Variants in ATF7IP observed in about 807,000 individuals in gnomAD.
The protein encoded by ATF7IP is activating transcription factor 7-interacting protein 1.
ATF7IP carries 23 observed loss-of-function variants against 106.4 expected under a neutral mutation model. The ratio of observed to expected loss-of-function variants is 0.22; its 90% CI spans 0.16 to 0.31. The LOEUF (loss-of-function observed/expected upper bound fraction) is 0.31, where lower values mean the gene tolerates loss of function less well. Among genes scored for constraint, ATF7IP ranks in the 10% least tolerant of loss-of-function variants. The pLI is 1.00. For synonymous variants in ATF7IP, 542 were observed against 539.0 expected (o/e 1.01, Z -0.08); for missense variants, 1,334 against 1,524.3 (o/e 0.88, Z 2.08).
At position 14,500,494 on chromosome 12, in the gene ATF7IP, G is replaced by A. The variant is rs1945131862; in HGVS notation, c.*2421G>A. 1.3e-5 allele frequency: 2 copies of A among 152,176 alleles called. No homozygotes were observed. The highest frequency in any genetic ancestry group is 4.8e-5 in the African/African-American group (2 of 41,430). The allele number at this position is 152,176 out of a possible 1,614,324, so 9.4% of individuals were successfully genotyped here. On this transcript the variant is annotated 3_prime_UTR_variant, in exon 15 of 15. Coordinates refer to ENST00000261168, the MANE Select transcript of ATF7IP (RefSeq NM_018179.5). ...TGGCAATGAAAATTTCAGAAAGGAG[G>A]AGTTGATGATCTTCTAGATGTATAT...
intron 2 of ATF7IP, among the ~76,000 whole-genome samples, chr12:14,429,941 T>G (rs181687598): frequency 3.0e-4 from 46 of 152,332 alleles, no homozygotes; most frequent in Middle Eastern, 6.8e-3. Context: ...AAGTTAGATG[T>G]GTAAGTCTGG....
rs16909903 is a variant in ATF7IP at position 14,454,892 on chromosome 12, A to G, written c.1996-1669A>G. 9.1e-3 allele frequency among the ~76,000 whole-genome samples: 1,389 copies of G among 152,276 alleles called. 12 individuals are homozygous for G. Among genetic ancestry groups the G allele is most frequent in the South Asian group, 0.035 (168 of 4,824 alleles). ...CCATTTTGAGTGTAATAATTACTCA[A>G]TGATGGCCAGGCACAGTAGCTCATG... On this transcript the variant is annotated intron_variant, in intron 6 of 14. Transcript: ENST00000261168.
chr12:14,494,516 CTATA>C (rs892143162), intron 13 of ATF7IP, among the ~76,000 whole-genome samples: 19 of 144,806 alleles, frequency 1.3e-4, no homozygotes, highest in African/African-American at 4.0e-4. Flanking sequence ...TTATATCCTA[CTATA>C]TATATACAGT....
In ATF7IP at chr12:14,436,127, G is replaced by A. The variant is rs1483832909; in HGVS notation, c.1667G>A (p.Arg556His). ...TCAGATGAATTTTCTAGACGAAAACGTTCTAAATCAGAAGACATGGACAAT... is the reference window on the plus strand; with the variant it reads ...TCAGATGAATTTTCTAGACGAAAACATTCTAAATCAGAAGACATGGACAAT... ...SEKNEFSRRK[R>H]SKSEDMDNVQ... Residue 556 changes from arginine (R) to histidine (H), a missense_variant, in exon 4 of 15, where the codon CGT becomes CAT. Around this residue, in one of 10 missense-constraint regions of ATF7IP, gnomAD observed 119 missense variants for 117.8 expected, o/e 1.01. Transcript: ENST00000261168. The A allele has an allele frequency of 3.1e-6, 5 of 1,612,684 alleles. No homozygotes were observed. The highest frequency in any genetic ancestry group is 4.2e-6 in the Non-Finnish European group (5 of 1,179,400).
At chr12:14,470,606 TATTGAAC>T (rs1314263301) in intron 10 of ATF7IP, among the ~76,000 whole-genome samples, 1 of 152,194 alleles carries the variant, frequency 6.6e-6, no homozygotes, top group Non-Finnish European at 1.5e-5. Context: ...TTTGGCAAGT[TATTGAAC>T]ACCTTAGATT....
intron 1 of ATF7IP, among the ~76,000 whole-genome samples, chr12:14,405,111 AT>A (rs1254354924): frequency 1.3e-5 from 2 of 152,054 alleles, no homozygotes; most frequent in East Asian, 3.9e-4. Flanking sequence ...TGGAAATGTA[AT>A]TTTTTCTTTT....
intron 4 of ATF7IP, 89 bp from the exon 5 acceptor site, chr12:14,438,041 A>C: frequency 7.6e-7 from 1 of 1,307,884 alleles, no homozygotes; most frequent in Non-Finnish European, 1.0e-6. Context: ...CGACAGAGCG[A>C]GACTCTGTCT....
At chr12:14,484,308 A>G (rs1288728700) in intron 13 of ATF7IP, among the ~76,000 whole-genome samples, 1 of 152,146 alleles carries the variant, frequency 6.6e-6, no homozygotes, top group Non-Finnish European at 1.5e-5. Flanking sequence ...GGCTGGGGAA[A>G]GAGGCTGAGT....
chr12:14,494,323 A>G (rs1294638909), intron 13 of ATF7IP, among the ~76,000 whole-genome samples: 1,378 of 86,840 alleles, frequency 0.016, 37 homozygotes, highest in Admixed American at 0.019. Context: ...ATATATATAT[A>G]TATATATATA....
At chr12:14,415,324 G>A (rs1050495341) in intron 1 of ATF7IP, among the ~76,000 whole-genome samples, 4 of 152,132 alleles carry the variant, frequency 2.6e-5, no homozygotes, top group Non-Finnish European at 5.9e-5. Flanking sequence ...TAATTTTAAG[G>A]TATCTTATGT....
intron 1 of ATF7IP, among the ~76,000 whole-genome samples, chr12:14,386,591 C>T (rs1014816567): frequency 3.3e-5 from 5 of 152,034 alleles, no homozygotes; most frequent in African/African-American, 1.2e-4. Flanking sequence ...ATGGTTTCTG[C>T]TTAATTCTGC....
At chr12:14,391,418 C>A (rs1939542058) in intron 1 of ATF7IP, among the ~76,000 whole-genome samples, 1 of 152,140 alleles carries the variant, frequency 6.6e-6, no homozygotes, top group Admixed American at 6.5e-5. Flanking sequence ...TATAGAAATA[C>A]CTGTACCATG....
intron 10 of ATF7IP, among the ~76,000 whole-genome samples, chr12:14,469,380 A>C (rs1477377187): frequency 6.6e-6 from 1 of 151,270 alleles, no homozygotes; most frequent in East Asian, 1.9e-4. Context: ...AAAAAAAAAA[A>C]AAACTTGGAC....
intron 1 of ATF7IP, among the ~76,000 whole-genome samples, chr12:14,418,360 A>G (rs960323735): frequency 3.9e-5 from 6 of 152,224 alleles, no homozygotes; most frequent in Non-Finnish European, 7.3e-5. Context: ...ACTTTTAGAC[A>G]TGGCAGACAT....
Position 14,459,777 on chromosome 12 carries a change from C to G in ATF7IP, c.2159-718C>G, listed in dbSNP as rs188734012. ...TTGGTCATGTATTTTAAACCTGTTG[C>G]AATGAGAATAAACACAAGTAGTTGA... On this transcript the variant is annotated intron_variant, in intron 8 of 14. Transcript: ENST00000261168. Among the ~76,000 whole-genome samples, 74 of 152,300 alleles carry G rather than the reference C, an allele frequency of 4.9e-4. 1 individual carries two copies. Among genetic ancestry groups the G allele is most frequent in the Admixed American group, 4.4e-3 (67 of 15,308 alleles).
intron 10 of ATF7IP, 73 bp downstream of exon 10, chr12:14,466,663 T>C: frequency 8.4e-7 from 1 of 1,185,476 alleles, no homozygotes; most frequent in Non-Finnish European, 1.2e-6. Flanking sequence ...TCATCATTCT[T>C]TGATTGAATG....
At chr12:14,487,072 G>A (rs1660168927) in intron 13 of ATF7IP, among the ~76,000 whole-genome samples, 1 of 152,028 alleles carries the variant, frequency 6.6e-6, no homozygotes, top group Non-Finnish European at 1.5e-5. Flanking sequence ...CACTCACAGT[G>A]TGCCATCTTT....
At chr12:14,442,908 A>G (rs1048120244) in intron 5 of ATF7IP, among the ~76,000 whole-genome samples, 2 of 152,172 alleles carry the variant, frequency 1.3e-5, no homozygotes, top group Non-Finnish European at 2.9e-5. Flanking sequence ...TAATCCGAGC[A>G]CTTTGGGAGG....
At chr12:14,449,991 T>C (rs1943135470) in intron 6 of ATF7IP, among the ~76,000 whole-genome samples, 1 of 152,160 alleles carries the variant, frequency 6.6e-6, no homozygotes, top group South Asian at 2.1e-4. Flanking sequence ...ATATTTTTTA[T>C]AGTTTATAGA....
Sources: allele counts gnomAD v4.1 joint callset (sites outside exome capture counted in the v4.1 genomes callset), GRCh38; gene constraint gnomAD v4.1.1; regional missense constraint gnomAD v4.1.1; transcripts MANE v1.5; gene names NCBI Gene and HGNC (gene_info 2026-07-23, HGNC 2026-07-21).